The following GLOD4 variants were observed in gnomAD, a reference collection of about 807,000 sequenced individuals.
GLOD4 encodes glyoxalase domain containing 4.
Under a neutral mutation model 39.1 loss-of-function variants are expected in GLOD4, and 44 were observed. That is an observed-to-expected ratio of 1.13 (90% CI 0.88 to 1.45). The LOEUF (loss-of-function observed/expected upper bound fraction) is 1.45, where lower values mean the gene tolerates loss of function less well. Ranked by LOEUF, GLOD4 falls within the 40% of genes most tolerant of loss-of-function variation. The pLI is 0.00. For synonymous variants in GLOD4, 145 were observed against 135.0 expected (o/e 1.07, Z -0.52); for missense variants, 405 against 366.4 (o/e 1.11, Z -0.86).
At chr17:765,695 C>T (rs1054470742) in intron 8 of GLOD4, among the ~76,000 whole-genome samples, 9 of 151,114 alleles carry the variant, frequency 6.0e-5, no homozygotes, top group Non-Finnish European at 7.4e-5. Context: ...CCGCCCGCCT[C>T]GGCCTCCCAA....
chr17:766,180 T>C (rs1479939665), intron 8 of GLOD4, among the ~76,000 whole-genome samples: 1 of 149,426 alleles, frequency 6.7e-6, no homozygotes, highest in African/African-American at 2.5e-5. Context: ...CGCCTATGGT[T>C]CCAGCTACTA....
rs199558490 is a variant in GLOD4, at chr17:771,320, C to T, written c.543+5G>A. On this transcript the variant is annotated splice_donor_5th_base_variant and intron_variant, in intron 5 of 8. Coordinates refer to ENST00000301329, the MANE Select transcript of GLOD4 (RefSeq NM_016080.4). ...AACAGGTTATTCTTCTCCAAGATTG[C>T]TCACCTGGTTATCAGCATAGCCCAG... The T allele has an allele frequency of 1.1e-4, 169 of 1,574,508 alleles. No individual in the cohort carries two copies. Among genetic ancestry groups the T allele is most frequent in the Non-Finnish European group, 1.4e-4 (159 of 1,161,158 alleles).
chr17:766,813 C>T (rs1001720299), intron 8 of GLOD4, among the ~76,000 whole-genome samples: 5 of 152,140 alleles, frequency 3.3e-5, no homozygotes, highest in East Asian at 1.9e-4. Context: ...GCAGAAGAAT[C>T]GCTTGACCCT....
intron 1 of GLOD4, among the ~76,000 whole-genome samples, chr17:779,824 G>C (rs149575155): frequency 6.6e-5 from 10 of 152,056 alleles, no homozygotes; most frequent in Non-Finnish European, 1.5e-4. Flanking sequence ...TGATTCCCAC[G>C]GCTCCTGCCA....
intron 5 of GLOD4, chr17:770,764 G>T: frequency 2.9e-6 from 1 of 347,438 alleles, no homozygotes. Context: ...TCCACTTAAT[G>T]TTACCATGTC....
chr17:775,260 CAA>C (rs113281349), intron 4 of GLOD4, among the ~76,000 whole-genome samples: 1 of 140,772 alleles, frequency 7.1e-6, no homozygotes. Context: ...GACAGAGTCT[CAA>C]AAAAAAAAAG....
At chr17:761,065 G>A (rs756024745) in intron 8 of GLOD4, among the ~76,000 whole-genome samples, 6 of 152,246 alleles carry the variant, frequency 3.9e-5, no homozygotes, top group Non-Finnish European at 8.8e-5. Flanking sequence ...GTACCACGCT[G>A]GGTTCAGATG....
chr17:768,075 C>T (rs1386794672), intron 8 of GLOD4, among the ~76,000 whole-genome samples: 2 of 145,418 alleles, frequency 1.4e-5, no homozygotes, highest in African/African-American at 5.2e-5. Context: ...ACAGCGCGCA[C>T]TCAGATTTTT....
At chr17:760,980 T>C (rs1597572590) in intron 8 of GLOD4, among the ~76,000 whole-genome samples, 1 of 152,188 alleles carries the variant, frequency 6.6e-6, no homozygotes, top group African/African-American at 2.4e-5. Context: ...TTAACAATAA[T>C]GTTTTGGTTC....
rs1205199685 is a variant in GLOD4, at chr17:767,327, G to A, written c.831+2542C>T. On this transcript the variant is annotated intron_variant, in intron 8 of 8. Transcript: ENST00000301329. ...TCCAACAACTACTTTGAATGCTTCT[G>A]AATTACTGAGTTTGATGAGAATCTA... is the stretch of plus-strand genomic sequence containing the variant. Among the ~76,000 whole-genome samples the A allele has an allele frequency of 5.3e-5, 8 of 152,334 alleles. No homozygotes were observed. In the South Asian group the frequency reaches 1.7e-3, roughly 32 times the overall value.
At chr17:769,291 C>A in intron 8 of GLOD4, among the ~76,000 whole-genome samples, 1 of 140,936 alleles carries the variant, frequency 7.1e-6, no homozygotes, top group African/African-American at 2.8e-5. Context: ...CTGAGGGGAA[C>A]GGATGGAGGC....
In GLOD4 at chr17:782,232, G is replaced by C; in HGVS notation, c.24C>G (p.His8Gln). The C allele has an allele frequency of 4.3e-6, 7 of 1,613,112 alleles. No homozygotes were observed. Among genetic ancestry groups the C allele is most frequent in the Non-Finnish European group, 5.9e-6 (7 of 1,179,414 alleles). Reference protein sequence around the residue: MAARRALHFVFKVGNRFQ... With the variant: MAARRALQFVFKVGNRFQ... Reference sequence around the variant, plus strand: ...AGCGGTTTCCCACTTTGAATACGAAGTGCAGAGCTCTGCGAGCAGCCATGA... The same window carrying C: ...AGCGGTTTCCCACTTTGAATACGAACTGCAGAGCTCTGCGAGCAGCCATGA... The change falls in exon 1 of 9, where the codon CAC becomes CAG. Residue 8 changes from histidine to glutamine, a missense_variant. Transcript: ENST00000301329.
rs563304532 is a variant in GLOD4 at position 769,366 on chromosome 17, G to A, written c.831+503C>T. 6.2e-5 allele frequency among the ~76,000 whole-genome samples: 9 copies of A among 144,096 alleles called. No homozygotes were observed. The South Asian group carries it at 6.9e-4, about 11-fold the overall frequency. 94.5% of individuals were successfully genotyped at this position (144,096 alleles called of 152,430 possible). On this transcript the variant is annotated intron_variant, in intron 8 of 8. Transcript: ENST00000301329. ...CTCCATGCGGAGAGCTGAGGGGAAC[G>A]GATGGAGGCATCTCCATGGGGAGAG...
intron 1 of GLOD4, among the ~76,000 whole-genome samples, chr17:781,210 C>T (rs146843154): frequency 4.7e-4 from 71 of 152,280 alleles, no homozygotes; most frequent in African/African-American, 1.7e-3. Flanking sequence ...CGTGGGCCAC[C>T]GCGCCGGCAC....
At chr17:785,378 T>G (rs1910486569), upstream of GLOD4, among the ~76,000 whole-genome samples, 1 of 151,550 alleles carries the variant, frequency 6.6e-6, no homozygotes, top group Non-Finnish European at 1.5e-5. Flanking sequence ...CTTTAGAGAT[T>G]AATAATGTAG....
At chr17:775,732 G>T in intron 4 of GLOD4, 43 bp downstream of exon 4, 3 of 1,544,276 alleles carry the variant, frequency 1.9e-6, no homozygotes, top group Non-Finnish European at 2.7e-6. Flanking sequence ...TTTCACCAAA[G>T]ATGCCTTTAG....
intron 8 of GLOD4, among the ~76,000 whole-genome samples, chr17:760,565 C>T (rs971240011): frequency 6.6e-6 from 1 of 152,188 alleles, no homozygotes; most frequent in African/African-American, 2.4e-5. Context: ...CAGGGACCCG[C>T]ATGCCAGGCG....
At chr17:781,897 C>T (rs920505417) in intron 1 of GLOD4, 2 of 463,170 alleles carry the variant, frequency 4.3e-6, no homozygotes, top group African/African-American at 2.0e-5. Flanking sequence ...TCCACAAGGG[C>T]GGGGCTCAAT....
chr17:783,470 G>A (rs1457064408), upstream of GLOD4: 5 of 767,192 alleles, frequency 6.5e-6, no homozygotes, highest in Admixed American at 1.3e-4. Flanking sequence ...CGCAGTAGCT[G>A]GGATTACAGG....
Sources: gnomAD v4.1 joint callset for allele counts (sites outside exome capture counted in the v4.1 genomes callset) on GRCh38, gnomAD v4.1.1 for gene constraint, MANE v1.5 for transcripts, NCBI Gene and HGNC (gene_info 2026-07-23, HGNC 2026-07-21) for gene names.